SIX6: variants seen among roughly 807,000 people sequenced by gnomAD.
The protein encoded by SIX6 is SIX homeobox 6.
A neutral mutation model predicts 23.6 loss-of-function variants in SIX6; 14 were observed. That is an observed-to-expected ratio of 0.59 (90% CI 0.39 to 0.93). The LOEUF is 0.93. SIX6 is among the 40% of genes least tolerant of loss of function. The pLI, the probability that SIX6 is intolerant of heterozygous loss-of-function variation, is 0.00. For missense variants in SIX6, 307 were observed against 325.6 expected, an observed-to-expected ratio of 0.94 and a Z score of 0.44; for synonymous variants, 128 against 144.9, an observed-to-expected ratio of 0.88 and a Z score of 0.84.
intron 1 of SIX6, 23 bp downstream of exon 1, chr14:60,509,993 G>C: frequency 1.3e-6 from 2 of 1,574,744 alleles, no homozygotes; most frequent in Non-Finnish European, 1.7e-6. Flanking sequence ...AGGCCTCCGC[G>C]CTTTGAGCGC....
At chr14:60,510,672 G>A (rs1324858293) in intron 1 of SIX6, among the ~76,000 whole-genome samples, 1 of 152,176 alleles carries the variant, frequency 6.6e-6, no homozygotes, top group Non-Finnish European at 1.5e-5. Flanking sequence ...GGGAGCACTT[G>A]CTCAGGCGTA....
At position 60,510,981 on chromosome 14, in the gene SIX6, A is replaced by G. The variant is rs555315402; in HGVS notation, c.573-103A>G. ...CGCCTTAACTGCTGGGGTCTTCGGAAGAACCTCTAGCCGCCGGGCTGGAGG... is the reference window on the plus strand; with the variant it reads ...CGCCTTAACTGCTGGGGTCTTCGGAGGAACCTCTAGCCGCCGGGCTGGAGG... On this transcript the variant is annotated intron_variant, in intron 1 of 1. Coordinates refer to ENST00000327720, the MANE Select transcript of SIX6 (RefSeq NM_007374.3). The G allele has an allele frequency of 1.9e-5, 24 of 1,243,688 alleles. No homozygotes were observed. In the East Asian group the frequency reaches 5.6e-4, roughly 29 times the overall value. The allele number at this position is 1,243,688 out of a possible 1,614,324, so 77.0% of individuals were successfully genotyped here.
rs958745864 is a variant in SIX6, at chr14:60,511,202, G to T, written c.691G>T (p.Ala231Ser). The T allele has an allele frequency of 6.2e-7, 1 of 1,613,106 alleles. No individual in the cohort carries two copies. Among genetic ancestry groups the T allele is most frequent in the Non-Finnish European group, 8.5e-7 (1 of 1,179,954 alleles). The change falls in exon 2 of 2, where the codon GCC (alanine) becomes TCC (serine). Residue 231 changes from alanine to serine, a missense_variant. Transcript: ENST00000327720. ...SPAASLSSKA[A>S]TSAISITSSD... is the part of the protein sequence containing the mutation. ...GGCCGCCAGTCTATCCAGCAAGGCGGCCACTTCAGCCATCTCCATCACGTC... is the reference window on the plus strand; with the variant it reads ...GGCCGCCAGTCTATCCAGCAAGGCGTCCACTTCAGCCATCTCCATCACGTC...
chr14:60,511,326 G>C lies in SIX6; in HGVS notation c.*74G>C. ...AAAACAAAATGAAAGAGGGGAAGAA[G>C]ATGAGAGACCTGCAAATCCAGCGCC... On this transcript the variant is annotated 3_prime_UTR_variant, in exon 2 of 2. Transcript: ENST00000327720. 3.7e-5 allele frequency: 55 copies of C among 1,495,186 alleles called. No individual in the cohort carries two copies. The highest frequency in any genetic ancestry group is 4.8e-5 in the Non-Finnish European group (51 of 1,073,378). 92.6% of individuals were successfully genotyped at this position (1,495,186 alleles called of 1,614,324 possible).
Position 60,511,306 on chromosome 14 carries a change from A to T in SIX6, c.*54A>T, listed in dbSNP as rs1893290755. 1 of 1,581,630 alleles carries T rather than the reference A, an allele frequency of 6.3e-7. No individual in the cohort carries two copies. The highest frequency in any genetic ancestry group is 8.7e-7 in the Non-Finnish European group (1 of 1,151,408). ...ATTCCAGTGTAAAAACGAGAAAAAC[A>T]AAATGAAAGAGGGGAAGAAGATGAG... On this transcript the variant is annotated 3_prime_UTR_variant, in exon 2 of 2. Coordinates refer to ENST00000327720, the MANE Select transcript of SIX6 (RefSeq NM_007374.3).
chr14:60,511,301 AAAAC>A lies in SIX6; in HGVS notation c.*53_*56del. 2 of 1,593,940 alleles carry A rather than the reference AAAAC, an allele frequency of 1.3e-6. No individual in the cohort carries two copies. The highest frequency in any genetic ancestry group is 1.7e-6 in the Non-Finnish European group (2 of 1,162,478). On this transcript the variant is annotated 3_prime_UTR_variant, in exon 2 of 2. Coordinates refer to ENST00000327720, the MANE Select transcript of SIX6 (RefSeq NM_007374.3). ...AGCAGATTCCAGTGTAAAAACGAGA[AAAAC>A]AAAATGAAAGAGGGGAAGAAGATGA...
chr14:60,511,241 T>C lies in SIX6; in HGVS notation c.730T>C (p.Cys244Arg), dbSNP rs1184169244. The change falls in exon 2 of 2, where the codon TGC becomes CGC. Residue 244 changes from cysteine to arginine, a missense_variant. By Grantham distance (180) the Cys-to-Arg change is radical. Coordinates refer to ENST00000327720, the MANE Select transcript of SIX6 (RefSeq NM_007374.3). ...CTCCATCACGTCCAGCGACAGCGAG[T>C]GCGACATCTGAGTTGCCCATCCAGG... is the stretch of plus-strand genomic sequence containing the variant. ...AISITSSDSE[C>R]DI is the part of the protein sequence containing the mutation. 19 of 1,613,366 alleles carry C rather than the reference T, an allele frequency of 1.2e-5. No homozygotes were observed. Among genetic ancestry groups the C allele is most frequent in the Non-Finnish European group, 1.6e-5 (19 of 1,179,928 alleles).
Position 60,511,101 on chromosome 14 carries a change from T to A in SIX6, c.590T>A (p.Leu197Gln), listed in dbSNP as rs1335932984. ...CCCCGTAGACTCCAGCAGCAGGTCC[T>A]GTCACAGGGTTCCGGGCGGGCACTA... ...AAKNRLQQQV[L>Q]SQGSGRALRA... Residue 197 changes from leucine (L) to glutamine (Q), a missense_variant, in exon 2 of 2, where the codon CTG becomes CAG. Coordinates refer to ENST00000327720, the MANE Select transcript of SIX6 (RefSeq NM_007374.3). The A allele has an allele frequency of 6.2e-7, 1 of 1,612,844 alleles. No homozygotes were observed. The highest frequency in any genetic ancestry group is 8.5e-7 in the Non-Finnish European group (1 of 1,179,850).
At chr14:60,510,094 T>A (rs1001863872) in intron 1 of SIX6, 124 bp downstream of exon 1, 5 of 885,206 alleles carry the variant, frequency 5.6e-6, no homozygotes, top group Non-Finnish European at 9.1e-6. Context: ...GCGGTCTGTC[T>A]TGGGTTAAGA....
chr14:60,510,073 G>A, intron 1 of SIX6, 103 bp downstream of exon 1: 1 of 1,042,312 alleles, frequency 9.6e-7, no homozygotes, highest in Non-Finnish European at 1.5e-6. Context: ...AATTCAGCAG[G>A]AGTTGGGAGC....
intron 1 of SIX6, among the ~76,000 whole-genome samples, chr14:60,510,595 C>T (rs1258802436): frequency 1.3e-5 from 2 of 152,144 alleles, no homozygotes; most frequent in East Asian, 3.9e-4. Flanking sequence ...CCTCATCCCC[C>T]AGGCCCAAAT....
In SIX6 at chr14:60,509,404, C is replaced by T. The variant is rs1893255080; in HGVS notation, c.6C>T (p.Phe2=). 6.3e-7 allele frequency: 1 copy of T among 1,599,380 alleles called. No individual in the cohort carries two copies. The highest frequency in any genetic ancestry group is 1.3e-5 in the African/African-American group (1 of 75,068). Residue 2 remains phenylalanine, a synonymous_variant, in exon 1 of 2, where the codon TTC becomes TTT. Transcript: ENST00000327720. M[F]QLPILNFSPQ... is the part of the protein sequence containing the mutation. ...CCGCCGCCGGCACTGCCTCGATGTT[C>T]CAGCTGCCCATCTTGAATTTCAGCC...
intron 1 of SIX6, 111 bp from the exon 2 acceptor site, chr14:60,510,973 T>C: frequency 9.0e-7 from 1 of 1,113,762 alleles, no homozygotes; most frequent in South Asian, 1.4e-5. Flanking sequence ...ACTGCTGGGG[T>C]CTTCGGAAGA....
At position 60,509,338 on chromosome 14, in the gene SIX6, G is replaced by A. The variant is rs183248571; in HGVS notation, c.-61G>A. ...GCCTGGCACACTCAGCCAGGCCCGC[G>A]GGCATCTGCTGCGTGTCCCGCTCCG... is the stretch of plus-strand genomic sequence containing the variant. On this transcript the variant is annotated 5_prime_UTR_variant, in exon 1 of 2. Coordinates refer to ENST00000327720, the MANE Select transcript of SIX6 (RefSeq NM_007374.3). 2.8e-6 allele frequency: 4 copies of A among 1,416,598 alleles called. No homozygotes were observed. Among genetic ancestry groups the A allele is most frequent in the Middle Eastern group, 1.8e-4 (1 of 5,712 alleles). The allele number at this position is 1,416,598 out of a possible 1,614,324, so 87.8% of individuals were successfully genotyped here.
chr14:60,511,129 G>T lies in SIX6; in HGVS notation c.618G>T (p.Arg206=), dbSNP rs756162271. ...VLSQGSGRAL[R]AEGDGTPEVL... ...CACAGGGTTCCGGGCGGGCACTACG[G>T]GCGGAGGGCGACGGCACGCCAGAGG... Residue 206 remains arginine (R), a synonymous_variant, in exon 2 of 2, where the codon CGG becomes CGT. Transcript: ENST00000327720. The T allele has an allele frequency of 1.2e-6, 2 of 1,612,724 alleles. No individual in the cohort carries two copies. Among genetic ancestry groups the T allele is most frequent in the African/African-American group, 2.7e-5 (2 of 74,924 alleles).
intron 1 of SIX6, among the ~76,000 whole-genome samples, chr14:60,510,650 C>A (rs1029404279): frequency 6.6e-5 from 10 of 152,314 alleles, no homozygotes; most frequent in Non-Finnish European, 1.2e-4. Flanking sequence ...CGACCCGATC[C>A]AACGCGATCG....
chr14:60,509,942 A>T lies in SIX6; in HGVS notation c.544A>T (p.Arg182Trp). Reference protein sequence around the residue: ...VGNWFKNRRQRDRAAAAKNRL... With the variant: ...VGNWFKNRRQWDRAAAAKNRL... ...CAACTGGTTCAAAAACCGCCGACAA[A>T]GGGACCGAGCGGCTGCAGCCAAGAA... Residue 182 changes from arginine (R) to tryptophan (W), a missense_variant, in exon 1 of 2, where the codon AGG becomes TGG. Coordinates refer to ENST00000327720, the MANE Select transcript of SIX6 (RefSeq NM_007374.3). The T allele has an allele frequency of 3.1e-6, 5 of 1,609,218 alleles. No homozygotes were observed. The highest frequency in any genetic ancestry group is 4.2e-6 in the Non-Finnish European group (5 of 1,177,640).
rs775430989 is a variant in SIX6 at position 60,509,575 on chromosome 14, C to G, written c.177C>G (p.Ile59Met). The G allele has an allele frequency of 1.2e-6, 2 of 1,612,890 alleles. No homozygotes were observed. Among genetic ancestry groups the G allele is most frequent in the East Asian group, 2.2e-5 (1 of 44,872 alleles). The stretch of plus-strand genomic sequence containing the variant: ...AGTCGGTGCTACGCGCACGAGCCAT[C>G]GTGGCCTTTCACGGTGGCAACTACC... ...KNESVLRARA[I>M]VAFHGGNYRE... Residue 59 changes from isoleucine to methionine, a missense_variant, in exon 1 of 2, where the codon ATC (isoleucine) becomes ATG (methionine). Coordinates refer to ENST00000327720, the MANE Select transcript of SIX6 (RefSeq NM_007374.3).
chr14:60,511,607 CA>C lies in SIX6; in HGVS notation c.*356del. The C allele has an allele frequency of 4.5e-6, 2 of 446,646 alleles. No individual in the cohort carries two copies. The highest frequency in any genetic ancestry group is 8.3e-6 in the Non-Finnish European group (2 of 241,070). 27.7% of individuals were successfully genotyped at this position (446,646 alleles called of 1,614,324 possible). A position where few individuals can be genotyped will look rare whatever the true frequency, so the allele number is the denominator to read the frequency against. On this transcript the variant is annotated 3_prime_UTR_variant, in exon 2 of 2. Coordinates refer to ENST00000327720, the MANE Select transcript of SIX6 (RefSeq NM_007374.3). ...ATTTCACGTCGAAAGGACGCTGTTA[CA>C]TATGTATAACTTTCGCTTTAAAGTT...
Sources: allele counts gnomAD v4.1 joint callset (sites outside exome capture counted in the v4.1 genomes callset), GRCh38; gene constraint gnomAD v4.1.1; transcripts MANE v1.5; gene names NCBI Gene and HGNC (gene_info 2026-07-23, HGNC 2026-07-21).